ARHGEF6: variants seen among roughly 807,000 people sequenced by gnomAD.
ARHGEF6 encodes the protein Rac/Cdc42 guanine nucleotide exchange factor 6.
ARHGEF6 carries 9 observed loss-of-function variants against 70.3 expected under a neutral mutation model. The ratio of observed to expected loss-of-function variants is 0.13; its 90% CI spans 0.08 to 0.22. ARHGEF6 has a LOEUF of 0.22. ARHGEF6 is among the 10% of genes least tolerant of loss of function. ARHGEF6 has a pLI of 1.00. For missense variants in ARHGEF6, 470 were observed against 563.0 expected, an observed-to-expected ratio of 0.83 and a Z score of 1.67; for synonymous variants, 201 against 207.8, an observed-to-expected ratio of 0.97 and a Z score of 0.28.
chrX:136,718,163 G>T (rs2076756805), intron 6 of ARHGEF6, among the ~76,000 whole-genome samples: 1 of 111,055 alleles, frequency 9.0e-6, no homozygotes, highest in African/African-American at 3.3e-5. Flanking sequence ...AAAGTAAAGG[G>T]ATGAAAAAGG....
intron 3 of ARHGEF6, among the ~76,000 whole-genome samples, chrX:136,746,286 G>T (rs952391876): frequency 3.6e-5 from 4 of 112,291 alleles, no homozygotes; most frequent in Non-Finnish European, 7.5e-5. Flanking sequence ...ACTAGAACTG[G>T]ATAGTTGTCA....
At position 136,713,263 on chromosome X, in the gene ARHGEF6, A is replaced by T. The variant is rs771788982; in HGVS notation, c.827+13T>A. ...TGCTTTACTTAGTGAGGGATTTAAA[A>T]TAAACATCTTACTTGTTATTGGACT... On this transcript the variant is annotated intron_variant, in intron 7 of 21. Transcript: ENST00000250617. 8.7e-6 allele frequency: 10 copies of T among 1,149,864 alleles called. No homozygotes were observed. The highest frequency in any genetic ancestry group is 2.2e-5 in the Admixed American group (1 of 45,684). 94.8% of individuals were successfully genotyped at this position (1,149,864 alleles called of 1,213,427 possible). A position where few individuals can be genotyped will look rare whatever the true frequency, so the allele number is the denominator to read the frequency against.
chrX:136,745,388 A>T (rs778345073), intron 3 of ARHGEF6, 41 bp from the exon 4 acceptor site: 2 of 1,203,688 alleles, frequency 1.7e-6, no homozygotes, highest in East Asian at 5.9e-5. Context: ...AACCACTCAG[A>T]TCAGAAAAAC....
intron 2 of ARHGEF6, 136 bp from the exon 3 acceptor site, chrX:136,747,728 C>T (rs2077110631): frequency 2.2e-6 from 1 of 455,614 alleles, no homozygotes; most frequent in Non-Finnish European, 3.7e-6. Flanking sequence ...AGACACAAAC[C>T]TCCATATACC....
At chrX:136,701,895 G>C (rs1354509323) in intron 9 of ARHGEF6, among the ~76,000 whole-genome samples, 2 of 108,916 alleles carry the variant, frequency 1.8e-5, no homozygotes, top group African/African-American at 6.7e-5. Flanking sequence ...TTTTAGTAGA[G>C]ACAGGGTTTC....
intron 2 of ARHGEF6, among the ~76,000 whole-genome samples, chrX:136,762,271 T>C (rs1043529412): frequency 1.8e-5 from 2 of 112,521 alleles, no homozygotes; most frequent in African/African-American, 6.5e-5. Context: ...TAAAAATCAA[T>C]GACTCACCTC....
chrX:136,672,204 T>C, intron 19 of ARHGEF6, 85 bp from the exon 20 acceptor site: 1 of 743,131 alleles, frequency 1.3e-6, no homozygotes, highest in East Asian at 3.2e-5. Flanking sequence ...TTTTCCACTA[T>C]TGTTACAGAA....
intron 14 of ARHGEF6, among the ~76,000 whole-genome samples, chrX:136,681,216 G>A (rs1015494934): frequency 8.9e-6 from 1 of 111,832 alleles, no homozygotes; most frequent in Non-Finnish European, 1.9e-5. Flanking sequence ...TATTGTCCTG[G>A]TTCCCCTGGT....
intron 6 of ARHGEF6, among the ~76,000 whole-genome samples, chrX:136,727,789 C>T (rs1020828308): frequency 9.0e-6 from 1 of 111,509 alleles, no homozygotes; most frequent in Non-Finnish European, 1.9e-5. Context: ...CCACCTTGGC[C>T]TCCGAAGGTG....
intron 2 of ARHGEF6, among the ~76,000 whole-genome samples, chrX:136,749,514 C>T (rs942719666): frequency 5.4e-5 from 6 of 111,367 alleles, no homozygotes; most frequent in Non-Finnish European, 5.7e-5. Flanking sequence ...GATAAAAAAC[C>T]TCTCCCTCTG....
chrX:136,740,496 G>C (rs755526567), intron 5 of ARHGEF6, among the ~76,000 whole-genome samples: 3 of 111,790 alleles, frequency 2.7e-5, no homozygotes, highest in Non-Finnish European at 3.8e-5. Context: ...AAGCAACTCA[G>C]ACCTGTCCTT....
Position 136,708,790 on chromosome X carries a change from C to A in ARHGEF6, c.828-20G>T, listed in dbSNP as rs757440331. The A allele has an allele frequency of 2.7e-6, 3 of 1,103,809 alleles. No individual in the cohort carries two copies. In the African/African-American group the frequency reaches 5.4e-5, roughly 20 times the overall value. 91.0% of individuals were successfully genotyped at this position (1,103,809 alleles called of 1,213,427 possible). A position where few individuals can be genotyped will look rare whatever the true frequency, so the allele number is the denominator to read the frequency against. On this transcript the variant is annotated intron_variant, in intron 7 of 21. Transcript: ENST00000250617. ...CTCAGACTGAAAAAAAAATACAGTA[C>A]ATGTAGTTATCTATTGTAGTCTAGT...
intron 6 of ARHGEF6, among the ~76,000 whole-genome samples, chrX:136,721,679 A>C (rs1012967195): frequency 8.9e-6 from 1 of 112,058 alleles, no homozygotes; most frequent in Non-Finnish European, 1.9e-5. Context: ...TAAGTCAGGC[A>C]TAGTAAGAAA....
chrX:136,686,662 ATG>A (rs1209114179), intron 11 of ARHGEF6, among the ~76,000 whole-genome samples: 16 of 76,440 alleles, frequency 2.1e-4, no homozygotes, highest in Non-Finnish European at 3.6e-4. Flanking sequence ...ATATATACAC[ATG>A]TGTATATATA....
chrX:136,708,174 G>A (rs1268848401), intron 8 of ARHGEF6, among the ~76,000 whole-genome samples: 1 of 110,726 alleles, frequency 9.0e-6, no homozygotes, highest in East Asian at 2.8e-4. Context: ...GACCTCATGT[G>A]TCTCCAGGGA....
At chrX:136,759,122 C>T (rs188476862) in intron 2 of ARHGEF6, among the ~76,000 whole-genome samples, 33 of 112,197 alleles carry the variant, frequency 2.9e-4, no homozygotes, top group Non-Finnish European at 5.3e-4. Context: ...ACAGTGTAAA[C>T]GCTTATTTCC....
intron 9 of ARHGEF6, among the ~76,000 whole-genome samples, chrX:136,699,609 A>C (rs1261309390): frequency 1.8e-5 from 2 of 111,292 alleles, no homozygotes; most frequent in African/African-American, 6.5e-5. Context: ...GAAACAGTGA[A>C]TACAGAGAAT....
intron 9 of ARHGEF6, among the ~76,000 whole-genome samples, chrX:136,692,706 A>C (rs1014775494): frequency 8.9e-6 from 1 of 112,276 alleles, no homozygotes; most frequent in Non-Finnish European, 1.9e-5. Flanking sequence ...GAAGGGTGAT[A>C]GTAAGTGGCT....
At chrX:136,678,180 C>A (rs1216559958) in intron 16 of ARHGEF6, among the ~76,000 whole-genome samples, 4 of 111,599 alleles carry the variant, frequency 3.6e-5, no homozygotes, top group Non-Finnish European at 7.5e-5. Context: ...ATGCTGAAAA[C>A]AACTGAAATA....
Sources: allele counts gnomAD v4.1 joint callset (sites outside exome capture counted in the v4.1 genomes callset), GRCh38; gene constraint gnomAD v4.1.1; transcripts MANE v1.5; gene names NCBI Gene and HGNC (gene_info 2026-07-23, HGNC 2026-07-21).